ACTL6A: variants seen among roughly 807,000 people sequenced by gnomAD.
The protein encoded by ACTL6A is actin-like protein 6A.
In ACTL6A, 5 loss-of-function variants were observed where a neutral mutation model predicts 59.2. The observed-to-expected ratio is 0.08, with a 90% CI of 0.04 to 0.18. ACTL6A has a LOEUF of 0.18. Among genes scored for constraint, ACTL6A ranks in the 10% least tolerant of loss-of-function variants. The pLI is 1.00. For missense variants in ACTL6A, 285 were observed against 526.9 expected (o/e 0.54, Z 4.49); for synonymous variants, 154 against 171.8 (o/e 0.90, Z 0.81).
chr3:179,566,649 T>C (rs985659004), intron 1 of ACTL6A, among the ~76,000 whole-genome samples: 1 of 152,220 alleles, frequency 6.6e-6, no homozygotes, highest in African/African-American at 2.4e-5. Flanking sequence ...GCCGTCCCTC[T>C]GTACAAGTCC....
At position 179,588,034 on chromosome 3, in the gene ACTL6A, T is replaced by A. The variant is rs1718564796; in HGVS notation, c.*24T>A. 1 of 1,557,206 alleles carries A rather than the reference T, an allele frequency of 6.4e-7. No individual in the cohort carries two copies. The highest frequency in any genetic ancestry group is 2.3e-5 in the East Asian group (1 of 43,304). On this transcript the variant is annotated 3_prime_UTR_variant, in exon 14 of 14. Transcript: ENST00000429709. ...GAGAAAGAGTTCCCAAGCTTCTACCTTCCTTTTGTCACCTTACGTTTCATA... is the reference window on the plus strand; with the variant it reads ...GAGAAAGAGTTCCCAAGCTTCTACCATCCTTTTGTCACCTTACGTTTCATA...
At chr3:179,587,869 T>G (rs1171587856) in intron 13 of ACTL6A, 61 bp from the exon 14 acceptor site, 4 of 1,487,374 alleles carry the variant, frequency 2.7e-6, no homozygotes, top group Non-Finnish European at 3.6e-6. Flanking sequence ...AAAAAAAATT[T>G]TTTAAGCCAT....
intron 12 of ACTL6A, among the ~76,000 whole-genome samples, chr3:179,585,494 T>C (rs1326863378): frequency 6.6e-6 from 1 of 152,170 alleles, no homozygotes; most frequent in South Asian, 2.1e-4. Flanking sequence ...TTAGAAACTA[T>C]CCTTGTCCTT....
intron 1 of ACTL6A, among the ~76,000 whole-genome samples, chr3:179,569,339 G>A (rs1438649615): frequency 1.1e-4 from 16 of 152,032 alleles, no homozygotes; most frequent in Non-Finnish European, 1.5e-5. Flanking sequence ...ATAGTACTGG[G>A]GTACTGTACT....
At chr3:179,586,715 T>A in intron 13 of ACTL6A, 83 bp downstream of exon 13, 1 of 1,128,494 alleles carries the variant, frequency 8.9e-7, no homozygotes. Context: ...ATTCCAGTGC[T>A]TCATTTGTCT....
At chr3:179,581,873 T>C (rs559239264) in intron 11 of ACTL6A, among the ~76,000 whole-genome samples, 2 of 152,274 alleles carry the variant, frequency 1.3e-5, no homozygotes, top group Non-Finnish European at 2.9e-5. Flanking sequence ...AGGAAAAAAA[T>C]TGGTTTTGTT....
In ACTL6A at chr3:179,574,490, T is replaced by C. The variant is rs757020805; in HGVS notation, c.476+23T>C. 2.7e-6 allele frequency: 4 copies of C among 1,457,554 alleles called. No individual in the cohort carries two copies. In the Admixed American group the frequency reaches 5.0e-5, roughly 18 times the overall value. The allele number at this position is 1,457,554 out of a possible 1,614,324, so 90.3% of individuals were successfully genotyped here. A position where few individuals can be genotyped will look rare whatever the true frequency, so the allele number is the denominator to read the frequency against. ...AGCGTATCCTTGAAAGAGTAATACCTTTCCTCTTGAAGTATGTACGATACT... is the reference window on the plus strand; with the variant it reads ...AGCGTATCCTTGAAAGAGTAATACCCTTCCTCTTGAAGTATGTACGATACT... On this transcript the variant is annotated intron_variant, in intron 5 of 13. Transcript: ENST00000429709.
chr3:179,587,907 A>G, intron 13 of ACTL6A, 23 bp from the exon 14 acceptor site: 5 of 1,576,854 alleles, frequency 3.2e-6, no homozygotes, highest in Non-Finnish European at 4.3e-6. Flanking sequence ...GCATAATTAT[A>G]TAAATTTCTT....
intron 12 of ACTL6A, 140 bp from the exon 13 acceptor site, chr3:179,586,406 C>T: frequency 1.7e-6 from 1 of 579,926 alleles, no homozygotes; most frequent in Non-Finnish European, 2.7e-6. Context: ...GGGCCGATTG[C>T]TTGAGTGCAA....
At chr3:179,587,909 A>G in intron 13 of ACTL6A, 21 bp from the exon 14 acceptor site, 2 of 1,578,550 alleles carry the variant, frequency 1.3e-6, no homozygotes, top group East Asian at 2.3e-5. Flanking sequence ...ATAATTATAT[A>G]AATTTCTTTC....
At chr3:179,575,382 C>G (rs1206357824) in intron 5 of ACTL6A, 1 of 456,518 alleles carries the variant, frequency 2.2e-6, no homozygotes, top group African/African-American at 2.0e-5. Flanking sequence ...CCTGGGACAT[C>G]CTGAGCTTTT....
At chr3:179,564,885 C>CT (rs550795606) in intron 1 of ACTL6A, among the ~76,000 whole-genome samples, 7,365 of 129,458 alleles carry the variant, frequency 0.057, 382 homozygotes, top group East Asian at 0.13. Flanking sequence ...TGGAATATGT[C>CT]TTTTTTTTTT....
intron 3 of ACTL6A, among the ~76,000 whole-genome samples, chr3:179,571,152 C>T (rs1436814402): frequency 6.6e-6 from 1 of 152,042 alleles, no homozygotes; most frequent in African/African-American, 2.4e-5. Flanking sequence ...CGTGGTGGCT[C>T]GCGCCTATAT....
At chr3:179,580,231 G>A (rs914593275) in intron 8 of ACTL6A, among the ~76,000 whole-genome samples, 4 of 152,146 alleles carry the variant, frequency 2.6e-5, no homozygotes, top group Admixed American at 6.5e-5. Context: ...TTTATACTAT[G>A]TACAGTCATT....
At chr3:179,586,501 G>A in intron 12 of ACTL6A, 45 bp from the exon 13 acceptor site, 1 of 911,082 alleles carries the variant, frequency 1.1e-6, no homozygotes, top group Non-Finnish European at 1.6e-6. Context: ...TTTCTAAGTT[G>A]AGTCACAAGA....
chr3:179,565,014 C>G (rs75643946), intron 1 of ACTL6A, among the ~76,000 whole-genome samples: 4,468 of 151,412 alleles, frequency 0.03, 147 homozygotes, highest in East Asian at 0.12. Context: ...TATGTCTTAA[C>G]AGTGCTGGCG....
intron 3 of ACTL6A, among the ~76,000 whole-genome samples, chr3:179,572,980 TTC>T (rs1718056340): frequency 8.4e-6 from 1 of 119,410 alleles, no homozygotes; most frequent in African/African-American, 2.5e-5. Flanking sequence ...ATACAATTCT[TTC>T]TTTTTTTTTT....
At chr3:179,587,890 A>G in intron 13 of ACTL6A, 40 bp from the exon 14 acceptor site, 2 of 1,543,050 alleles carry the variant, frequency 1.3e-6, no homozygotes, top group East Asian at 2.4e-5. Flanking sequence ...TTCTAGTAAG[A>G]AGTAAGGCAT....
intron 1 of ACTL6A, among the ~76,000 whole-genome samples, chr3:179,568,527 CTTT>C (rs35012560): frequency 1.7e-4 from 24 of 139,950 alleles, no homozygotes; most frequent in African/African-American, 6.3e-4. Flanking sequence ...TGCATATTTT[CTTT>C]TTTTTTTTTG....
Sources: allele counts gnomAD v4.1 joint callset (sites outside exome capture counted in the v4.1 genomes callset), GRCh38; gene constraint gnomAD v4.1.1; transcripts MANE v1.5; gene names NCBI Gene and HGNC (gene_info 2026-07-23, HGNC 2026-07-21).